The following CKS1B variants were observed in gnomAD, a reference collection of about 807,000 sequenced individuals.
The protein encoded by CKS1B is cyclin-dependent kinases regulatory subunit 1.
In CKS1B, 5 loss-of-function variants were observed where a neutral mutation model predicts 12.2. That is an observed-to-expected ratio of 0.41 (90% CI 0.21 to 0.86). The LOEUF (loss-of-function observed/expected upper bound fraction) is 0.86. Ranked by LOEUF, CKS1B falls within the 40% of genes least tolerant of loss-of-function variation. The probability of loss-of-function intolerance (pLI) is 0.32; values close to 1 mark genes in which losing one functional copy is unlikely to be tolerated. For missense variants in CKS1B, 53 were observed against 99.9 expected (o/e 0.53, Z 2.00); for synonymous variants, 24 against 34.4 (o/e 0.70, Z 1.06).
chr1:154,975,359 T>C (rs1657136932), intron 1 of CKS1B, among the ~76,000 whole-genome samples: 1 of 151,972 alleles, frequency 6.6e-6, no homozygotes, highest in Admixed American at 6.6e-5. Flanking sequence ...TTAATATGGG[T>C]CTAATAGATG....
chr1:154,975,050 G>A, intron 1 of CKS1B: 4 of 950,962 alleles, frequency 4.2e-6, no homozygotes, highest in Non-Finnish European at 5.1e-6. Flanking sequence ...CGTGGTTAGG[G>A]TACTGACCAC....
intron 1 of CKS1B, among the ~76,000 whole-genome samples, chr1:154,976,896 A>AAT (rs1277623505): frequency 6.6e-6 from 1 of 152,188 alleles, no homozygotes; most frequent in Admixed American, 6.5e-5. Context: ...GATTAGTTTG[A>AAT]TTCACATCAG....
At chr1:154,977,479 C>T in intron 1 of CKS1B, 1 of 152,678 alleles carries the variant, frequency 6.5e-6, no homozygotes, top group Non-Finnish European at 1.5e-5. Context: ...CTCCTGGGTT[C>T]AAATGACCCT....
rs1483575786 is a variant in CKS1B at position 154,977,849 on chromosome 1, AC to A, written c.60-134del. 3.8e-6 allele frequency: 3 copies of A among 779,724 alleles called. No individual in the cohort carries two copies. The African/African-American group carries it at 5.4e-5, about 14-fold the overall frequency. The allele number at this position is 779,724 out of a possible 1,614,324, so 48.3% of individuals were successfully genotyped here. A position where few individuals can be genotyped will look rare whatever the true frequency, so the allele number is the denominator to read the frequency against. ...ATAGCCTGTATTTCTAGCTGCTGCTACCCCACAATAAAATTATATAAACTCT... is the reference window on the plus strand; with the variant it reads ...ATAGCCTGTATTTCTAGCTGCTGCTACCCACAATAAAATTATATAAACTCT... On this transcript the variant is annotated intron_variant, in intron 1 of 2. Transcript: ENST00000308987.
At chr1:154,975,111 T>A (rs1657123265) in intron 1 of CKS1B, 1 of 641,066 alleles carries the variant, frequency 1.6e-6, no homozygotes, top group African/African-American at 1.8e-5. Context: ...TCGGGCAAAC[T>A]TAACTTGCCT....
At chr1:154,977,617 C>G (rs1657223203) in intron 1 of CKS1B, 1 of 184,672 alleles carries the variant, frequency 5.4e-6, no homozygotes. Flanking sequence ...TCATAAAAGG[C>G]CTTTCCTCGC....
In CKS1B at chr1:154,978,871, C is replaced by T; in HGVS notation, c.*94C>T. ...ACATTATTATGTTGCCTTCTTGTTT[C>T]TCACTTTGATATTTAAAAGATGTTC... On this transcript the variant is annotated 3_prime_UTR_variant, in exon 3 of 3. Coordinates refer to ENST00000308987, the MANE Select transcript of CKS1B (RefSeq NM_001826.3). The T allele has an allele frequency of 1.3e-6, 1 of 793,460 alleles. No individual in the cohort carries two copies. The highest frequency in any genetic ancestry group is 1.5e-5 in the South Asian group (1 of 66,570). The allele number at this position is 793,460 out of a possible 1,614,324, so 49.2% of individuals were successfully genotyped here. A position where few individuals can be genotyped will look rare whatever the true frequency, so the allele number is the denominator to read the frequency against.
intron 1 of CKS1B, chr1:154,975,118 G>T (rs1657123570): frequency 3.8e-5 from 24 of 626,044 alleles, no homozygotes; most frequent in South Asian, 3.7e-4. Flanking sequence ...AACTTAACTT[G>T]CCTTGTAGAG....
chr1:154,978,649 G>A (rs1657248327), intron 2 of CKS1B, 76 bp from the exon 3 acceptor site: 1 of 1,182,874 alleles, frequency 8.5e-7, no homozygotes. Flanking sequence ...TAGCTGGGGA[G>A]GTGGTAGTGG....
At position 154,979,078 on chromosome 1, in the gene CKS1B, C is replaced by A. The variant is rs1227191917; in HGVS notation, c.*301C>A. On this transcript the variant is annotated 3_prime_UTR_variant, in exon 3 of 3. Transcript: ENST00000308987. ...ATGGAGGAAGCATCTGAGTTTGAGACCATGGCTGTTACAGGGATCATGTAA... is the reference window on the plus strand; with the variant it reads ...ATGGAGGAAGCATCTGAGTTTGAGAACATGGCTGTTACAGGGATCATGTAA... The A allele has an allele frequency of 2.3e-5, 8 of 354,076 alleles. No homozygotes were observed. The highest frequency in any genetic ancestry group is 1.5e-4 in the African/African-American group (7 of 47,492). 21.9% of individuals were successfully genotyped at this position (354,076 alleles called of 1,614,324 possible).
At position 154,978,034 on chromosome 1, in the gene CKS1B, A is replaced by G. The variant is rs1657233218; in HGVS notation, c.107A>G (p.His36Arg). 1.2e-6 allele frequency: 2 copies of G among 1,614,142 alleles called. No individual in the cohort carries two copies. The highest frequency in any genetic ancestry group is 8.5e-7 in the Non-Finnish European group (1 of 1,179,992). Residue 36 changes from histidine to arginine, a missense_variant, in exon 2 of 3, where the codon CAT becomes CGT. Transcript: ENST00000308987. The part of the protein sequence containing the change: ...KDIAKLVPKT[H>R]LMSESEWRNL... ...ATAGCCAAGCTGGTCCCTAAAACCC[A>G]TCTGATGTCTGAATCTGAATGGAGG... is the stretch of plus-strand genomic sequence containing the variant.
chr1:154,974,849 C>G, intron 1 of CKS1B, 45 bp downstream of exon 1: 1 of 1,613,996 alleles, frequency 6.2e-7, no homozygotes, highest in East Asian at 2.2e-5. Flanking sequence ...TGAGCTTTGG[C>G]CGCTGAGGGC....
rs993930354 is a variant in CKS1B, at chr1:154,977,922, G to C, written c.60-65G>C. ...TTTCCTTTCTTGGCCTTGTAAACAGGCATTTGTCTAAGAGACTGTATCTGG... is the reference window on the plus strand; with the variant it reads ...TTTCCTTTCTTGGCCTTGTAAACAGCCATTTGTCTAAGAGACTGTATCTGG... On this transcript the variant is annotated intron_variant, in intron 1 of 2. Transcript: ENST00000308987. 3.4e-6 allele frequency: 5 copies of C among 1,464,348 alleles called. No homozygotes were observed. The African/African-American group carries it at 7.2e-5, about 21-fold the overall frequency. 90.7% of individuals were successfully genotyped at this position (1,464,348 alleles called of 1,614,324 possible).
chr1:154,975,200 T>C, intron 1 of CKS1B: 1 of 582,230 alleles, frequency 1.7e-6, no homozygotes, highest in Non-Finnish European at 3.1e-6. Context: ...TTTCCTGGCG[T>C]CCCTAACAGG....
In CKS1B at chr1:154,978,745, C is replaced by T. The variant is rs774750947; in HGVS notation, c.208C>T (p.Arg70Trp). 6.2e-6 allele frequency: 10 copies of T among 1,613,584 alleles called. No homozygotes were observed. Among genetic ancestry groups the T allele is most frequent in the East Asian group, 4.5e-5 (2 of 44,874 alleles). Residue 70 changes from arginine (R) to tryptophan (W), a missense_variant, in exon 3 of 3, where the codon CGG (arginine) becomes TGG (tryptophan). Transcript: ENST00000308987. ...TTCAGAACCTCACATCTTGCTGTTC[C>T]GGCGCCCACTACCCAAGAAACCAAA... ...HEPEPHILLF[R>W]RPLPKKPKK
intron 1 of CKS1B, chr1:154,977,579 C>A (rs1319227781): frequency 6.2e-6 from 1 of 160,432 alleles, no homozygotes; most frequent in Non-Finnish European, 1.4e-5. Flanking sequence ...TCATTTCATC[C>A]TTTGTAATAA....
chr1:154,974,698 G>T lies in CKS1B; in HGVS notation c.-48G>T. The T allele has an allele frequency of 6.4e-7, 1 of 1,556,496 alleles. No homozygotes were observed. Among genetic ancestry groups the T allele is most frequent in the Non-Finnish European group, 8.7e-7 (1 of 1,150,020 alleles). On this transcript the variant is annotated 5_prime_UTR_variant, in exon 1 of 3. Coordinates refer to ENST00000308987, the MANE Select transcript of CKS1B (RefSeq NM_001826.3). ...GTGGGAGCGCGTGCTGTTGGGAGTTGCTTGGAGGTTGGCGGCGCGGGGCTG... is the reference window on the plus strand; with the variant it reads ...GTGGGAGCGCGTGCTGTTGGGAGTTTCTTGGAGGTTGGCGGCGCGGGGCTG...
intron 2 of CKS1B, 68 bp from the exon 3 acceptor site, chr1:154,978,657 T>G: frequency 7.6e-7 from 1 of 1,321,280 alleles, no homozygotes; most frequent in South Asian, 1.2e-5. Flanking sequence ...GAGGTGGTAG[T>G]GGAATACACT....
intron 1 of CKS1B, 146 bp from the exon 2 acceptor site, chr1:154,977,841 C>T (rs1657227977): frequency 1.4e-6 from 1 of 719,934 alleles, no homozygotes; most frequent in Non-Finnish European, 2.2e-6. Context: ...GTATTTCTAG[C>T]TGCTGCTACC....
Sources: gnomAD v4.1 joint callset for allele counts (sites outside exome capture counted in the v4.1 genomes callset) on GRCh38, gnomAD v4.1.1 for gene constraint, MANE v1.5 for transcripts, NCBI Gene and HGNC (gene_info 2026-07-23, HGNC 2026-07-21) for gene names.